The following AHCYL2 variants were observed in gnomAD, a reference collection of about 807,000 sequenced individuals.
AHCYL2 encodes the protein S-adenosylhomocysteine hydrolase-like protein 2.
Under a neutral mutation model 81.4 loss-of-function variants are expected in AHCYL2, and 28 were observed. The ratio of observed to expected loss-of-function variants is 0.34; its 90% confidence interval spans 0.25 to 0.47. AHCYL2 has a LOEUF of 0.47. Ranked by LOEUF, AHCYL2 falls within the 20% of genes least tolerant of loss-of-function variation. The probability of loss-of-function intolerance (pLI) is 1.00; values close to 1 mark genes in which losing one functional copy is unlikely to be tolerated. For missense variants in AHCYL2, 551 were observed against 785.1 expected (o/e 0.70, Z 3.56); for synonymous variants, 272 against 290.2 (o/e 0.94, Z 0.64).
chr7:129,309,169 T>A (rs1041421280), intron 1 of AHCYL2, among the ~76,000 whole-genome samples: 2 of 152,004 alleles, frequency 1.3e-5, no homozygotes, highest in African/African-American at 2.4e-5. Context: ...GAGGTGGAGG[T>A]TGCAGTGAGC....
intron 1 of AHCYL2, among the ~76,000 whole-genome samples, chr7:129,378,498 C>A (rs1794798695): frequency 6.6e-6 from 1 of 152,168 alleles, no homozygotes; most frequent in Non-Finnish European, 1.5e-5. Flanking sequence ...ATTGAACCCT[C>A]TCTAAAACCT....
chr7:129,391,303 ATTGTT>A (rs1795460171), intron 4 of AHCYL2, among the ~76,000 whole-genome samples: 1 of 152,208 alleles, frequency 6.6e-6, no homozygotes, highest in African/African-American at 2.4e-5. Context: ...TGGAAAAACT[ATTGTT>A]TTGTATTAAA....
chr7:129,247,600 G>A (rs1164708858), intron 1 of AHCYL2, among the ~76,000 whole-genome samples: 1 of 53,448 alleles, frequency 1.9e-5, no homozygotes, highest in Non-Finnish European at 4.2e-5. Context: ...TAAATAGATT[G>A]TACTTTTTTT....
At chr7:129,286,048 C>G (rs144508842) in intron 1 of AHCYL2, among the ~76,000 whole-genome samples, 12 of 152,060 alleles carry the variant, frequency 7.9e-5, no homozygotes. Context: ...CCTTCCTACC[C>G]CCAACCTCCA....
chr7:129,273,675 A>G (rs1796098530), intron 1 of AHCYL2, among the ~76,000 whole-genome samples: 1 of 152,154 alleles, frequency 6.6e-6, no homozygotes, highest in South Asian at 2.1e-4. Context: ...TTTCAATTAG[A>G]TAAAGGGATA....
At chr7:129,349,119 A>C (rs1793462001) in intron 1 of AHCYL2, among the ~76,000 whole-genome samples, 1 of 152,176 alleles carries the variant, frequency 6.6e-6, no homozygotes, top group Non-Finnish European at 1.5e-5. Context: ...TCTAGGTCTC[A>C]ACTTCTTAAC....
intron 5 of AHCYL2, among the ~76,000 whole-genome samples, chr7:129,398,732 G>A (rs1191983237): frequency 6.6e-6 from 1 of 151,976 alleles, no homozygotes; most frequent in African/African-American, 2.4e-5. Context: ...AGAGCTGTAA[G>A]GGCAAATGAG....
At chr7:129,389,341 G>C in intron 3 of AHCYL2, 142 bp downstream of exon 3, 15 of 737,438 alleles carry the variant, frequency 2.0e-5, no homozygotes, top group East Asian at 7.7e-5. Context: ...GTGAGTTCAA[G>C]AAACACTGGG....
chr7:129,281,105 T>C (rs1028148005), intron 1 of AHCYL2, among the ~76,000 whole-genome samples: 3 of 152,066 alleles, frequency 2.0e-5, no homozygotes, highest in East Asian at 3.9e-4. Context: ...CCTCATGATC[T>C]GCCCACCTTG....
chr7:129,332,815 A>G lies in AHCYL2; in HGVS notation c.364-46823A>G, dbSNP rs541322820. Among the ~76,000 whole-genome samples the G allele has an allele frequency of 4.6e-5, 7 of 152,314 alleles. No homozygotes were observed. In the South Asian group the frequency reaches 1.5e-3, roughly 32 times the overall value. ...TGCTGCCTGCAGCCTCCTTCCCTAGAGGAAGGGAAAGGGTGGTGAAGGTAA... is the reference window on the plus strand; with the variant it reads ...TGCTGCCTGCAGCCTCCTTCCCTAGGGGAAGGGAAAGGGTGGTGAAGGTAA... On this transcript the variant is annotated intron_variant, in intron 1 of 16. Transcript: ENST00000325006.
intron 1 of AHCYL2, among the ~76,000 whole-genome samples, chr7:129,322,230 C>A (rs1198967588): frequency 2.6e-5 from 4 of 152,102 alleles, no homozygotes; most frequent in Non-Finnish European, 5.9e-5. Flanking sequence ...ACCTCTTCCT[C>A]CTGGGTTCAA....
chr7:129,277,114 A>C (rs1422475166), intron 1 of AHCYL2, among the ~76,000 whole-genome samples: 2 of 152,190 alleles, frequency 1.3e-5, no homozygotes, highest in South Asian at 4.1e-4. Context: ...AAAGAGGCAC[A>C]GATGCAATTT....
At position 129,225,447 on chromosome 7, in the gene AHCYL2, G is replaced by A; in HGVS notation, c.363+8G>A. ...CCGCGCACAGTCAAGAAGGTACTGG[G>A]GCCGGGCTGCCTCTCTAGGAGAGGA... is the stretch of plus-strand genomic sequence containing the variant. On this transcript the variant is annotated splice_region_variant and intron_variant, in intron 1 of 16. Transcript: ENST00000325006. The A allele has an allele frequency of 4.0e-6, 6 of 1,503,190 alleles. No homozygotes were observed. The highest frequency in any genetic ancestry group is 5.3e-6 in the Non-Finnish European group (6 of 1,132,110). The allele number at this position is 1,503,190 out of a possible 1,614,324, so 93.1% of individuals were successfully genotyped here.
chr7:129,384,262 AAT>A (rs1226240179), intron 2 of AHCYL2, among the ~76,000 whole-genome samples: 1 of 149,112 alleles, frequency 6.7e-6, no homozygotes, highest in Non-Finnish European at 1.5e-5. Context: ...TTATGTTGCT[AAT>A]ATGTTTTGCT....
intron 1 of AHCYL2, among the ~76,000 whole-genome samples, chr7:129,248,996 C>CTTTT (rs34696153): frequency 4.0e-5 from 5 of 126,370 alleles, no homozygotes; most frequent in African/African-American, 5.9e-5. Context: ...TAACAATAAA[C>CTTTT]TTTTTTTTTT....
intron 1 of AHCYL2, among the ~76,000 whole-genome samples, chr7:129,250,712 T>G (rs1795219292): frequency 1.3e-5 from 2 of 152,178 alleles, no homozygotes; most frequent in Non-Finnish European, 2.9e-5. Context: ...AATGTCTTAG[T>G]TTTGGCTGAC....
At chr7:129,255,686 A>G (rs1157854616) in intron 1 of AHCYL2, among the ~76,000 whole-genome samples, 2 of 152,234 alleles carry the variant, frequency 1.3e-5, no homozygotes, top group Non-Finnish European at 2.9e-5. Flanking sequence ...TGATGTGAAT[A>G]AAAATGAAAA....
At chr7:129,395,236 A>G (rs956677870) in intron 4 of AHCYL2, among the ~76,000 whole-genome samples, 1 of 152,214 alleles carries the variant, frequency 6.6e-6, no homozygotes, top group Non-Finnish European at 1.5e-5. Flanking sequence ...TGTGTGCCAC[A>G]GAAGTGTCCT....
chr7:129,344,802 G>A (rs1238156820), intron 1 of AHCYL2, among the ~76,000 whole-genome samples: 3 of 151,936 alleles, frequency 2.0e-5, no homozygotes, highest in African/African-American at 7.2e-5. Flanking sequence ...GCAGGAAGCG[G>A]GGAGGAAAAA....
Sources: gnomAD v4.1 joint callset for allele counts (sites outside exome capture counted in the v4.1 genomes callset) on GRCh38, gnomAD v4.1.1 for gene constraint, MANE v1.5 for transcripts, NCBI Gene and HGNC (gene_info 2026-07-23, HGNC 2026-07-21) for gene names.